The following RB1 variants were observed in gnomAD, a reference collection of about 807,000 sequenced individuals.
RB1 encodes the protein RB transcriptional corepressor 1.
RB1 carries 18 observed loss-of-function variants against 135.4 expected under a neutral mutation model. The ratio of observed to expected loss-of-function variants is 0.13; its 90% CI spans 0.09 to 0.20. The LOEUF (loss-of-function observed/expected upper bound fraction) is 0.20. RB1 is among the 10% of genes least tolerant of loss of function. RB1 has a pLI of 1.00. For synonymous variants in RB1, 365 were observed against 373.2 expected (o/e 0.98, Z 0.25); for missense variants, 868 against 1,110.0 (o/e 0.78, Z 3.10).
intron 2 of RB1, among the ~76,000 whole-genome samples, chr13:48,313,334 G>A (rs1952148206): frequency 6.6e-6 from 1 of 151,124 alleles, no homozygotes; most frequent in African/African-American, 2.4e-5. Context: ...GTCATTTGCA[G>A]CGTAGGATTT....
intron 2 of RB1, among the ~76,000 whole-genome samples, chr13:48,337,643 T>C (rs1952397262): frequency 6.6e-6 from 1 of 152,216 alleles, no homozygotes; most frequent in Admixed American, 6.5e-5. Context: ...AATTTGCCAG[T>C]CTGTGTCTTT....
chr13:48,436,366 A>G (rs198564), intron 17 of RB1, among the ~76,000 whole-genome samples: 119,057 of 152,160 alleles, frequency 0.78, 52,291 homozygotes, highest in Non-Finnish European at 0.97. Context: ...CATGAGGCCA[A>G]TTGCTGTGGC....
At chr13:48,314,063 T>G (rs1016885568) in intron 2 of RB1, among the ~76,000 whole-genome samples, 1 of 152,220 alleles carries the variant, frequency 6.6e-6, no homozygotes, top group Non-Finnish European at 1.5e-5. Context: ...TTTATTCTTA[T>G]GATAGTACCA....
intron 2 of RB1, among the ~76,000 whole-genome samples, chr13:48,322,701 T>G (rs1952251790): frequency 6.6e-6 from 1 of 152,164 alleles, no homozygotes; most frequent in Admixed American, 6.5e-5. Flanking sequence ...AATTTTTTAT[T>G]TCTAGGGTGT....
intron 17 of RB1, among the ~76,000 whole-genome samples, chr13:48,434,201 C>G (rs964142721): frequency 1.3e-5 from 2 of 151,820 alleles, no homozygotes; most frequent in African/African-American, 2.4e-5. Flanking sequence ...AATCCTTACA[C>G]TTTGGGAGGC....
At chr13:48,412,473 G>T in intron 17 of RB1, 1 of 1,199,502 alleles carries the variant, frequency 8.3e-7, no homozygotes. Context: ...ATCAGCTGCA[G>T]TCTCCTTTGG....
At chr13:48,350,093 G>T (rs1952534924) in intron 6 of RB1, among the ~76,000 whole-genome samples, 1 of 152,064 alleles carries the variant, frequency 6.6e-6, no homozygotes, top group African/African-American at 2.4e-5. Context: ...AATAGAAATA[G>T]CTGGAGACTT....
chr13:48,477,416 T>C lies in RB1; in HGVS notation c.2713+12T>C. On this transcript the variant is annotated intron_variant, in intron 26 of 26. Transcript: ENST00000267163. ...ACTGGCAGAAATGAGTAAGTACTTT[T>C]TTCACCTTGTGTAAATGAAATAAAC... The C allele has an allele frequency of 1.3e-6, 2 of 1,589,776 alleles. No homozygotes were observed. The highest frequency in any genetic ancestry group is 2.2e-5 in the South Asian group (2 of 90,378).
chr13:48,413,828 T>A (rs141618583), intron 17 of RB1, among the ~76,000 whole-genome samples: 1 of 152,200 alleles, frequency 6.6e-6, no homozygotes, highest in Non-Finnish European at 1.5e-5. Flanking sequence ...AAATTGCATC[T>A]TTTTAAGCAA....
At chr13:48,445,479 G>A (rs1316703282) in intron 17 of RB1, among the ~76,000 whole-genome samples, 28 of 152,174 alleles carry the variant, frequency 1.8e-4, no homozygotes, top group African/African-American at 6.7e-4. Flanking sequence ...TAGTTCTGGT[G>A]GCCTCTTTCA....
chr13:48,384,442 CT>C (rs886174782), intron 17 of RB1, among the ~76,000 whole-genome samples: 3 of 151,828 alleles, frequency 2.0e-5, no homozygotes, highest in African/African-American at 4.8e-5. Flanking sequence ...TTTTCACAGA[CT>C]TTTTTTTAAA....
At chr13:48,388,821 A>G (rs1424965038) in intron 17 of RB1, among the ~76,000 whole-genome samples, 1 of 152,174 alleles carries the variant, frequency 6.6e-6, no homozygotes, top group African/African-American at 2.4e-5. Flanking sequence ...AGAGATTGAA[A>G]TAGAACAGCC....
At chr13:48,479,147 G>C (rs1593548900) in intron 26 of RB1, among the ~76,000 whole-genome samples, 1 of 152,140 alleles carries the variant, frequency 6.6e-6, no homozygotes, top group Middle Eastern at 3.4e-3. Context: ...AGAATTGCTT[G>C]AGCCCAGAAG....
At chr13:48,446,357 C>A (rs1158568794) in intron 17 of RB1, among the ~76,000 whole-genome samples, 1 of 152,114 alleles carries the variant, frequency 6.6e-6, no homozygotes, top group Non-Finnish European at 1.5e-5. Flanking sequence ...TTCATTTATT[C>A]AACAAATGTT....
chr13:48,411,558 A>G (rs1188113207), intron 17 of RB1: 3 of 1,613,806 alleles, frequency 1.9e-6, no homozygotes, highest in Middle Eastern at 1.7e-4. Context: ...GTAGTAAACT[A>G]TAGGGTCAAA....
intron 17 of RB1, chr13:48,411,233 T>C: frequency 3.0e-6 from 2 of 657,464 alleles, no homozygotes. Context: ...TGTTAATGCT[T>C]AACACATTGA....
chr13:48,364,321 C>T (rs1191187882), intron 8 of RB1, among the ~76,000 whole-genome samples: 1 of 152,172 alleles, frequency 6.6e-6, no homozygotes, highest in Non-Finnish European at 1.5e-5. Context: ...TTATCATTTA[C>T]TATACCATAA....
intron 2 of RB1, among the ~76,000 whole-genome samples, chr13:48,316,244 C>G (rs920670395): frequency 4.0e-5 from 6 of 151,020 alleles, no homozygotes; most frequent in Admixed American, 3.3e-4. Flanking sequence ...CAAATGTGCT[C>G]TGGCCTCCAA....
At chr13:48,321,371 GC>G (rs74698729) in intron 2 of RB1, among the ~76,000 whole-genome samples, 143,121 of 143,178 alleles carry the variant, frequency 1, 71,533 homozygotes, top group Middle Eastern at 1. Context: ...AGGGGCAAGG[GC>G]CCTCCGCCCG....
Sources: gnomAD v4.1 joint callset for allele counts (sites outside exome capture counted in the v4.1 genomes callset) on GRCh38, gnomAD v4.1.1 for gene constraint, MANE v1.5 for transcripts, NCBI Gene and HGNC (gene_info 2026-07-23, HGNC 2026-07-21) for gene names.